The following CDH7 variants were observed in gnomAD, a reference collection of about 807,000 sequenced individuals.
CDH7 encodes cadherin 7, also known as cadherin-7.
In CDH7, 25 loss-of-function variants were observed where a neutral mutation model predicts 71.8. The observed-to-expected ratio is 0.35, with a 90% confidence interval of 0.25 to 0.49. The LOEUF is 0.49. Among genes scored for constraint, CDH7 ranks in the 20% least tolerant of loss-of-function variants. The pLI, the probability that CDH7 is intolerant of heterozygous loss-of-function variation, is 0.99. For synonymous variants in CDH7, 381 were observed against 363.8 expected (o/e 1.05, Z -0.54); for missense variants, 862 against 974.6 (o/e 0.88, Z 1.54).
chr18:65,853,496 A>T (rs1483071464), intron 7 of CDH7, among the ~76,000 whole-genome samples: 1 of 151,628 alleles, frequency 6.6e-6, no homozygotes, highest in East Asian at 1.9e-4. Context: ...TTTTTTTCTC[A>T]AGTGACTTTA....
At chr18:65,771,564 T>C (rs1916543282) in intron 2 of CDH7, among the ~76,000 whole-genome samples, 1 of 151,864 alleles carries the variant, frequency 6.6e-6, no homozygotes, top group Admixed American at 6.6e-5. Context: ...TAATCCCAGC[T>C]ACTTGAGAGG....
chr18:65,877,363 C>A (rs1463946284), intron 11 of CDH7, among the ~76,000 whole-genome samples: 2 of 151,758 alleles, frequency 1.3e-5, no homozygotes, highest in South Asian at 2.1e-4. Flanking sequence ...GCATGAAATA[C>A]ATTTACAATA....
intron 3 of CDH7, among the ~76,000 whole-genome samples, chr18:65,811,367 G>T (rs1911529565): frequency 6.6e-6 from 1 of 152,124 alleles, no homozygotes; most frequent in Admixed American, 6.6e-5. Flanking sequence ...TACCACCATG[G>T]CTCTAGCTGC....
chr18:65,859,849 A>G (rs8091386), intron 10 of CDH7, 24 bp downstream of exon 10: 1 of 1,301,858 alleles, frequency 7.7e-7, no homozygotes, highest in South Asian at 1.2e-5. Flanking sequence ...ATTGTTACCG[A>G]TAGAGGCAGC....
At chr18:65,816,156 A>T (rs1412276803) in intron 4 of CDH7, among the ~76,000 whole-genome samples, 1 of 152,078 alleles carries the variant, frequency 6.6e-6, no homozygotes, top group African/African-American at 2.4e-5. Context: ...AGTTGAAAGG[A>T]TTGTGTGTTA....
intron 1 of CDH7, among the ~76,000 whole-genome samples, chr18:65,762,243 T>G (rs969333675): frequency 6.6e-6 from 1 of 152,292 alleles, no homozygotes; most frequent in Admixed American, 6.5e-5. Flanking sequence ...TTTGAGTTGC[T>G]TTGCTTTCAC....
intron 5 of CDH7, among the ~76,000 whole-genome samples, chr18:65,823,775 C>T (rs545613068): frequency 1.3e-5 from 2 of 151,750 alleles, no homozygotes; most frequent in Non-Finnish European, 2.9e-5. Context: ...TTTCTTATCC[C>T]TTCACAAGAC....
At chr18:65,850,516 GT>G (rs1389130010) in intron 7 of CDH7, among the ~76,000 whole-genome samples, 1 of 151,694 alleles carries the variant, frequency 6.6e-6, no homozygotes, top group Non-Finnish European at 1.5e-5. Context: ...CGTGGCAACT[GT>G]GATGAATCAG....
intron 2 of CDH7, among the ~76,000 whole-genome samples, chr18:65,788,554 G>GAT (rs1910594128): frequency 6.6e-6 from 1 of 152,120 alleles, no homozygotes; most frequent in African/African-American, 2.4e-5. Flanking sequence ...AATCACTTCA[G>GAT]ATGCAGAGAT....
At chr18:65,846,286 T>G (rs1026489933) in intron 7 of CDH7, among the ~76,000 whole-genome samples, 2 of 152,034 alleles carry the variant, frequency 1.3e-5, no homozygotes, top group Non-Finnish European at 2.9e-5. Context: ...TCTGTGGTCT[T>G]TATCAGTGAA....
intron 2 of CDH7, among the ~76,000 whole-genome samples, chr18:65,805,289 T>C (rs188847391): frequency 1.8e-3 from 275 of 152,256 alleles, no homozygotes; most frequent in African/African-American, 6.3e-3. Context: ...TCGAGCTGAA[T>C]TGGATGTCTG....
chr18:65,853,924 T>TATATATATATCC (rs1555689491), intron 7 of CDH7, among the ~76,000 whole-genome samples: 9 of 84,704 alleles, frequency 1.1e-4, no homozygotes, highest in African/African-American at 3.7e-4. Context: ...TATATATATA[T>TATATATATATCC]ATATATATAT....
chr18:65,814,233 C>T (rs1231752891), intron 3 of CDH7, among the ~76,000 whole-genome samples: 2 of 64,704 alleles, frequency 3.1e-5, no homozygotes, highest in Admixed American at 2.2e-4. Flanking sequence ...TAATGTGCAT[C>T]ATCGATGGTA....
intron 7 of CDH7, among the ~76,000 whole-genome samples, chr18:65,848,728 T>G (rs1205697638): frequency 6.6e-6 from 1 of 152,158 alleles, no homozygotes. Context: ...TAAGATCAGA[T>G]ATGAAGACAG....
intron 2 of CDH7, among the ~76,000 whole-genome samples, chr18:65,780,344 A>C (rs2143827236): frequency 1.7e-5 from 2 of 117,854 alleles, no homozygotes; most frequent in East Asian, 4.7e-4. Flanking sequence ...TTTTGTTGCC[A>C]TTGCTTTTGG....
At chr18:65,793,777 G>T (rs1910801406) in intron 2 of CDH7, among the ~76,000 whole-genome samples, 1 of 152,130 alleles carries the variant, frequency 6.6e-6, no homozygotes, top group Admixed American at 6.5e-5. Context: ...TGCTGGCATT[G>T]ACTGAAGCTG....
At chr18:65,854,022 T>G (rs1564814) in intron 7 of CDH7, among the ~76,000 whole-genome samples, 2 of 144,824 alleles carry the variant, frequency 1.4e-5, no homozygotes, top group Non-Finnish European at 3.0e-5. Context: ...AGAAGGGGTC[T>G]GGGCGTGGTG....
At chr18:65,778,298 A>C (rs1598996770) in intron 2 of CDH7, among the ~76,000 whole-genome samples, 2 of 138,074 alleles carry the variant, frequency 1.4e-5, no homozygotes, top group Non-Finnish European at 3.2e-5. Flanking sequence ...AAAAAAAAAA[A>C]AAACCTAGTG....
chr18:65,844,584 T>C (rs1224485164), intron 7 of CDH7, among the ~76,000 whole-genome samples: 1 of 151,868 alleles, frequency 6.6e-6, no homozygotes, highest in East Asian at 1.9e-4. Context: ...AAAATATCTT[T>C]TCAGTAGTCT....
Sources: gnomAD v4.1 joint callset for allele counts (sites outside exome capture counted in the v4.1 genomes callset) on GRCh38, gnomAD v4.1.1 for gene constraint, MANE v1.5 for transcripts, NCBI Gene and HGNC (gene_info 2026-07-23, HGNC 2026-07-21) for gene names.